Variants in NAA15 observed in about 807,000 individuals in gnomAD.
NAA15 encodes N-terminal acetyltransferase.
Under a neutral mutation model 114.0 loss-of-function variants are expected in NAA15, and 34 were observed. The ratio of observed to expected loss-of-function variants is 0.30; its 90% confidence interval spans 0.23 to 0.40. NAA15 has a LOEUF of 0.40. Ranked by LOEUF, NAA15 falls within the 10% of genes least tolerant of loss-of-function variation. The pLI is 1.00. For synonymous variants in NAA15, 340 were observed against 338.0 expected (o/e 1.01, Z -0.06); for missense variants, 658 against 1,004.5 (o/e 0.66, Z 4.66).
intron 11 of NAA15, 101 bp downstream of exon 11, chr4:139,357,656 A>G (rs1355069073): frequency 3.9e-6 from 3 of 775,746 alleles, no homozygotes; most frequent in Non-Finnish European, 6.0e-6. Flanking sequence ...GTGACATTTG[A>G]TAACTCAAAA....
chr4:139,377,037 A>G (rs1748598451), intron 16 of NAA15, among the ~76,000 whole-genome samples: 1 of 152,212 alleles, frequency 6.6e-6, no homozygotes, highest in South Asian at 2.1e-4. Context: ...CTTAGAATAT[A>G]TATGTAGTAG....
intron 1 of NAA15, among the ~76,000 whole-genome samples, chr4:139,328,577 T>TC (rs906041987): frequency 1.3e-5 from 2 of 150,324 alleles, no homozygotes; most frequent in African/African-American, 4.9e-5. Flanking sequence ...TCTTTTCTTT[T>TC]TTTTTTTTTG....
At chr4:139,323,233 T>C (rs1208707411) in intron 1 of NAA15, among the ~76,000 whole-genome samples, 1 of 151,908 alleles carries the variant, frequency 6.6e-6, no homozygotes. Context: ...ATTGTTGTAT[T>C]TTTAGTAGAG....
chr4:139,334,156 T>A lies in NAA15; in HGVS notation c.55-18T>A. 2.6e-6 allele frequency: 4 copies of A among 1,525,054 alleles called. No individual in the cohort carries two copies. Among genetic ancestry groups the A allele is most frequent in the Middle Eastern group, 1.7e-4 (1 of 5,838 alleles). 94.5% of individuals were successfully genotyped at this position (1,525,054 alleles called of 1,614,324 possible). On this transcript the variant is annotated intron_variant, in intron 1 of 19. Transcript: ENST00000296543. ...GTATTCCTTGCTAAACTTAAATTTTTCTTTTTTGTTTTGACAGAGGTGTTA... is the reference window on the plus strand; with the variant it reads ...GTATTCCTTGCTAAACTTAAATTTTACTTTTTTGTTTTGACAGAGGTGTTA...
intron 14 of NAA15, among the ~76,000 whole-genome samples, chr4:139,369,744 A>G (rs1748381732): frequency 6.6e-6 from 1 of 151,980 alleles, no homozygotes; most frequent in Non-Finnish European, 1.5e-5. Context: ...TCTCAAAAAA[A>G]AAAAAAAAAA....
chr4:139,315,006 TTTAGGTTAGGTTAGG>T (rs1553992519), intron 1 of NAA15, among the ~76,000 whole-genome samples: 1 of 101,530 alleles, frequency 9.8e-6, no homozygotes, highest in Non-Finnish European at 2.0e-5. Flanking sequence ...TTCAGTTTAG[TTTAGGTTAGGTTAGG>T]TTAGGTTAGG....
Position 139,331,459 on chromosome 4 carries a change from T to A in NAA15, c.55-2715T>A, listed in dbSNP as rs144911755. ...TTTTTTTCTTCTTTCTTTCTTTTTT[T>A]TTTTTGAGACAGAGTCTGGCCCTGT... is the stretch of plus-strand genomic sequence containing the variant. On this transcript the variant is annotated intron_variant, in intron 1 of 19. Transcript: ENST00000296543. Among the ~76,000 whole-genome samples the A allele has an allele frequency of 3.8e-3, 576 of 151,844 alleles. 3 individuals carry two copies. The highest frequency in any genetic ancestry group is 0.013 in the African/African-American group (538 of 41,430).
chr4:139,307,218 A>C (rs184471700), intron 1 of NAA15, among the ~76,000 whole-genome samples: 1 of 152,278 alleles, frequency 6.6e-6, no homozygotes, highest in Admixed American at 6.5e-5. Flanking sequence ...TGATGATGGA[A>C]ATATTTGTTA....
chr4:139,367,328 CT>C, intron 14 of NAA15, among the ~76,000 whole-genome samples: 1 of 152,254 alleles, frequency 6.6e-6, no homozygotes, highest in African/African-American at 2.4e-5. Flanking sequence ...CCTGGTTCCA[CT>C]TTCTGAATTA....
At position 139,362,087 on chromosome 4, in the gene NAA15, T is replaced by G. The variant is rs139476096; in HGVS notation, c.1753+150T>G. 3.0e-3 allele frequency: 1,438 copies of G among 476,674 alleles called. 8 individuals carry two copies. The highest frequency in any genetic ancestry group is 0.016 in the Middle Eastern group (37 of 2,340). The allele number at this position is 476,674 out of a possible 1,614,324, so 29.5% of individuals were successfully genotyped here. A position where few individuals can be genotyped will look rare whatever the true frequency, so the allele number is the denominator to read the frequency against. On this transcript the variant is annotated intron_variant, in intron 14 of 19. Coordinates refer to ENST00000296543, the MANE Select transcript of NAA15 (RefSeq NM_057175.5). Reference sequence around the variant, plus strand: ...CTCTAAACAACAAAAGAAAAATGTTTACTTTTATGCTTCCAAAGTTAAACA... The same window carrying G: ...CTCTAAACAACAAAAGAAAAATGTTGACTTTTATGCTTCCAAAGTTAAACA...
In NAA15 at chr4:139,388,264, A is replaced by G. The variant is rs1748962539; in HGVS notation, c.*180A>G. 2 of 507,260 alleles carry G rather than the reference A, an allele frequency of 3.9e-6. No homozygotes were observed. The highest frequency in any genetic ancestry group is 3.0e-5 in the South Asian group (1 of 33,170). 31.4% of individuals were successfully genotyped at this position (507,260 alleles called of 1,614,324 possible). On this transcript the variant is annotated 3_prime_UTR_variant, in exon 20 of 20. Coordinates refer to ENST00000296543, the MANE Select transcript of NAA15 (RefSeq NM_057175.5). ...AAGTATATATAAAATATCTAACATT[A>G]CAGGATAGAGGTTCAGTTTCTTAAA...
At chr4:139,333,463 T>C (rs1455843731) in intron 1 of NAA15, among the ~76,000 whole-genome samples, 1 of 152,172 alleles carries the variant, frequency 6.6e-6, no homozygotes, top group African/African-American at 2.4e-5. Flanking sequence ...CTTTGAGATT[T>C]CACTATGATA....
intron 17 of NAA15, among the ~76,000 whole-genome samples, chr4:139,380,002 G>T (rs374295138): frequency 1.3e-5 from 2 of 152,228 alleles, no homozygotes; most frequent in South Asian, 4.1e-4. Flanking sequence ...CCGAGATCAC[G>T]CCACTACACT....
At chr4:139,356,750 A>G (rs1351520473) in intron 10 of NAA15, among the ~76,000 whole-genome samples, 1 of 152,212 alleles carries the variant, frequency 6.6e-6, no homozygotes, top group Non-Finnish European at 1.5e-5. Context: ...TATTTAACTT[A>G]CACATTTTCT....
Position 139,370,197 on chromosome 4 carries a change from C to T in NAA15, c.1754-14C>T. 3 of 1,495,662 alleles carry T rather than the reference C, an allele frequency of 2.0e-6. No individual in the cohort carries two copies. Among genetic ancestry groups the T allele is most frequent in the Non-Finnish European group, 8.9e-7 (1 of 1,124,110 alleles). The allele number at this position is 1,495,662 out of a possible 1,614,324, so 92.6% of individuals were successfully genotyped here. The stretch of plus-strand genomic sequence containing the variant: ...CATGCTTGTTAATTTTATTAATTAA[C>T]TTATTGCCTGCAGCAAACATGTCTG... On this transcript the variant is annotated splice_polypyrimidine_tract_variant and intron_variant, in intron 14 of 19. Transcript: ENST00000296543.
At chr4:139,338,719 A>T (rs1200963088) in intron 3 of NAA15, among the ~76,000 whole-genome samples, 1 of 152,164 alleles carries the variant, frequency 6.6e-6, no homozygotes, top group Non-Finnish European at 1.5e-5. Flanking sequence ...AAGTGCTGGG[A>T]TTACAGGTGT....
At chr4:139,373,646 C>T (rs1748502362) in intron 15 of NAA15, among the ~76,000 whole-genome samples, 1 of 151,672 alleles carries the variant, frequency 6.6e-6, no homozygotes, top group South Asian at 2.1e-4. Context: ...CCTTTTGTAC[C>T]ACTCATCCTA....
intron 1 of NAA15, chr4:139,302,133 C>A (rs976604178): frequency 5.3e-5 from 18 of 338,702 alleles, no homozygotes; most frequent in Non-Finnish European, 8.0e-5. Flanking sequence ...GGAGAAGAGG[C>A]CCGGCCTTTG....
chr4:139,364,185 A>AT (rs1433643375), intron 14 of NAA15, among the ~76,000 whole-genome samples: 7 of 152,164 alleles, frequency 4.6e-5, no homozygotes, highest in Admixed American at 1.3e-4. Context: ...CAATTTCTAG[A>AT]TTTTTAATGG....
Sources: gnomAD v4.1 joint callset for allele counts (sites outside exome capture counted in the v4.1 genomes callset) on GRCh38, gnomAD v4.1.1 for gene constraint, MANE v1.5 for transcripts, NCBI Gene and HGNC (gene_info 2026-07-23, HGNC 2026-07-21) for gene names.